ADK: variants seen among roughly 807,000 people sequenced by gnomAD.
ADK encodes N6,N6-dimethyladenosine kinase.
In ADK, 24 loss-of-function variants were observed where a neutral mutation model predicts 44.7. The ratio of observed to expected loss-of-function variants is 0.54; its 90% confidence interval spans 0.39 to 0.76. The LOEUF (loss-of-function observed/expected upper bound fraction) is 0.76, where lower values mean the gene tolerates loss of function less well. Among genes scored for constraint, ADK ranks in the 30% least tolerant of loss-of-function variants. The pLI, the probability that ADK is intolerant of heterozygous loss-of-function variation, is 0.00. For synonymous variants in ADK, 128 were observed against 142.6 expected, an observed-to-expected ratio of 0.90 and a Z score of 0.73; for missense variants, 321 against 425.1, an observed-to-expected ratio of 0.76 and a Z score of 2.15.
At chr10:74,469,939 G>A (rs1231299649) in intron 6 of ADK, among the ~76,000 whole-genome samples, 2 of 151,566 alleles carry the variant, frequency 1.3e-5, no homozygotes, top group Admixed American at 6.6e-5. Context: ...ATGTCCTCAA[G>A]GTTCATCCAT....
chr10:74,245,194 T>A (rs115547069), intron 3 of ADK, among the ~76,000 whole-genome samples: 81 of 152,332 alleles, frequency 5.3e-4, no homozygotes, highest in African/African-American at 1.9e-3. Context: ...TAATGTTCAA[T>A]TATTGGTAAC....
intron 4 of ADK, among the ~76,000 whole-genome samples, chr10:74,341,412 G>A (rs1195111569): frequency 1.3e-5 from 2 of 151,368 alleles, no homozygotes; most frequent in African/African-American, 2.4e-5. Flanking sequence ...TGTAATCCTA[G>A]CTACTCGGGA....
At chr10:74,385,261 A>G (rs545422812) in intron 4 of ADK, among the ~76,000 whole-genome samples, 1 of 152,300 alleles carries the variant, frequency 6.6e-6, no homozygotes, top group East Asian at 1.9e-4. Context: ...AGTGGTGTTA[A>G]TAGAGGCAGG....
intron 3 of ADK, among the ~76,000 whole-genome samples, chr10:74,235,086 A>G (rs1844908414): frequency 6.6e-6 from 1 of 151,846 alleles, no homozygotes; most frequent in Admixed American, 6.6e-5. Context: ...GCCCTAGGGG[A>G]AAAATAAATT....
intron 6 of ADK, among the ~76,000 whole-genome samples, chr10:74,491,406 C>T (rs1847479112): frequency 1.3e-5 from 2 of 152,260 alleles, no homozygotes; most frequent in South Asian, 4.1e-4. Flanking sequence ...CTATGTTCGG[C>T]TTTAATTTTT....
At chr10:74,359,556 T>C (rs1842258387) in intron 4 of ADK, among the ~76,000 whole-genome samples, 1 of 152,026 alleles carries the variant, frequency 6.6e-6, no homozygotes, top group Non-Finnish European at 1.5e-5. Flanking sequence ...AAAATATTTT[T>C]TTAATTAGCT....
intron 4 of ADK, among the ~76,000 whole-genome samples, chr10:74,320,567 TTC>T (rs1840773988): frequency 6.6e-6 from 1 of 152,146 alleles, no homozygotes; most frequent in Non-Finnish European, 1.5e-5. Context: ...AAAAATTTTT[TTC>T]TTTTATTTTC....
intron 7 of ADK, among the ~76,000 whole-genome samples, chr10:74,536,344 A>T (rs950862272): frequency 6.6e-6 from 1 of 152,114 alleles, no homozygotes; most frequent in Non-Finnish European, 1.5e-5. Context: ...TCTCCAAAAA[A>T]TACCTGAAAA....
intron 10 of ADK, among the ~76,000 whole-genome samples, chr10:74,681,876 A>G (rs970212332): frequency 6.6e-6 from 1 of 150,642 alleles, no homozygotes; most frequent in Non-Finnish European, 1.5e-5. Flanking sequence ...AAAAGTTGTC[A>G]GTTAAGCTGT....
intron 9 of ADK, among the ~76,000 whole-genome samples, chr10:74,627,554 TGTTGA>T (rs1479253775): frequency 1.6e-4 from 23 of 146,336 alleles, no homozygotes; most frequent in South Asian, 6.4e-4. Flanking sequence ...AGATTTATTT[TGTTGA>T]GTTTTTTTTT....
chr10:74,195,698 C>T (rs1015840547), intron 1 of ADK, among the ~76,000 whole-genome samples: 33 of 109,290 alleles, frequency 3.0e-4, no homozygotes, highest in Non-Finnish European at 3.9e-4. Flanking sequence ...CTTTCTTTTT[C>T]TTTTCTTTCT....
chr10:74,294,733 C>T (rs574880282), intron 3 of ADK, among the ~76,000 whole-genome samples: 1 of 152,258 alleles, frequency 6.6e-6, no homozygotes, highest in East Asian at 1.9e-4. Flanking sequence ...TTGACCATGA[C>T]CACTAATAAA....
intron 4 of ADK, among the ~76,000 whole-genome samples, chr10:74,324,572 T>C (rs1840943932): frequency 6.6e-6 from 1 of 152,234 alleles, no homozygotes; most frequent in African/African-American, 2.4e-5. Flanking sequence ...TTATCACAAA[T>C]GAGAAGATTT....
intron 6 of ADK, among the ~76,000 whole-genome samples, chr10:74,522,583 T>G (rs1848879814): frequency 6.6e-6 from 1 of 152,186 alleles, no homozygotes; most frequent in Non-Finnish European, 1.5e-5. Flanking sequence ...CTAAATTAAT[T>G]TTTTTAGTCT....
intron 3 of ADK, among the ~76,000 whole-genome samples, chr10:74,300,915 C>T (rs1252421526): frequency 6.6e-6 from 1 of 152,180 alleles, no homozygotes; most frequent in Admixed American, 6.5e-5. Flanking sequence ...GATGCCAGAG[C>T]AGAGATAACT....
At chr10:74,502,210 C>T (rs148523872) in intron 6 of ADK, among the ~76,000 whole-genome samples, 1 of 152,216 alleles carries the variant, frequency 6.6e-6, no homozygotes, top group African/African-American at 2.4e-5. Context: ...TTTTAAACTA[C>T]TGCATGCTGC....
At chr10:74,355,643 T>A (rs1842110865) in intron 4 of ADK, among the ~76,000 whole-genome samples, 1 of 152,224 alleles carries the variant, frequency 6.6e-6, no homozygotes, top group East Asian at 1.9e-4. Flanking sequence ...TTTGGAAAAA[T>A]TTTAAAAGTG....
intron 7 of ADK, among the ~76,000 whole-genome samples, chr10:74,536,262 A>C (rs1849444827): frequency 1.3e-5 from 2 of 152,090 alleles, no homozygotes; most frequent in Non-Finnish European, 2.9e-5. Flanking sequence ...AGTGCCTTTG[A>C]AGCTGAATTC....
chr10:74,276,421 A>G (rs898931016), intron 3 of ADK, among the ~76,000 whole-genome samples: 5 of 152,198 alleles, frequency 3.3e-5, no homozygotes, highest in Non-Finnish European at 7.3e-5. Flanking sequence ...GCACTTAACC[A>G]TTGTAAGCAA....
Sources: allele counts gnomAD v4.1 joint callset (sites outside exome capture counted in the v4.1 genomes callset), GRCh38; gene constraint gnomAD v4.1.1; transcripts MANE v1.5; gene names NCBI Gene and HGNC (gene_info 2026-07-23, HGNC 2026-07-21).